The following ANK2 variants were observed in gnomAD, a reference collection of about 807,000 sequenced individuals.
The protein encoded by ANK2 is ankyrin 2.
In ANK2, 83 loss-of-function variants were observed where a neutral mutation model predicts 360.5. The ratio of observed to expected loss-of-function variants is 0.23; its 90% CI spans 0.19 to 0.28. The LOEUF is 0.28. ANK2 is among the 10% of genes least tolerant of loss of function. The probability of loss-of-function intolerance (pLI) is 1.00; values close to 1 mark genes in which losing one functional copy is unlikely to be tolerated. For missense variants in ANK2, 4,201 were observed against 4,795.7 expected, an observed-to-expected ratio of 0.88 and a Z score of 3.66; for synonymous variants, 1,740 against 1,759.5, an observed-to-expected ratio of 0.99 and a Z score of 0.28.
the ANK2 span, among the ~76,000 whole-genome samples, chr4:112,775,193 T>A: frequency 6.6e-6 from 1 of 152,124 alleles, no homozygotes; most frequent in African/African-American, 2.4e-5. Flanking sequence ...CCAGAGGGGC[T>A]GGTAAGAGAG....
chr4:112,826,321 GA>G (rs2058398390), intron 1 of ANK2: 1 of 813,126 alleles, frequency 1.2e-6, no homozygotes, highest in Admixed American at 2.6e-5. Flanking sequence ...TTCAGACTTC[GA>G]AAACCACTTG....
At chr4:113,209,716 A>T (rs1461990731) in intron 4 of ANK2, among the ~76,000 whole-genome samples, 1 of 152,040 alleles carries the variant, frequency 6.6e-6, no homozygotes, top group African/African-American at 2.4e-5. Context: ...ATTGTAAATC[A>T]AAACATGGAG....
At chr4:113,196,957 C>A (rs1211207641) in intron 3 of ANK2, among the ~76,000 whole-genome samples, 5 of 152,212 alleles carry the variant, frequency 3.3e-5, no homozygotes, top group African/African-American at 1.2e-4. Flanking sequence ...TATGGGACAT[C>A]AGTCTGAAAA....
At chr4:113,204,491 C>A (rs1476718805) in intron 4 of ANK2, among the ~76,000 whole-genome samples, 2 of 152,078 alleles carry the variant, frequency 1.3e-5, no homozygotes, top group Admixed American at 1.3e-4. Flanking sequence ...TAAACTACAG[C>A]CCAGTAATAA....
the ANK2 span, among the ~76,000 whole-genome samples, chr4:112,715,223 TA>T: frequency 6.8e-6 from 1 of 147,086 alleles, no homozygotes; most frequent in Non-Finnish European, 1.5e-5. Flanking sequence ...GTTCCAACAG[TA>T]AAAGTCCCAA....
chr4:112,789,296 A>G, the ANK2 span, among the ~76,000 whole-genome samples: 1 of 152,134 alleles, frequency 6.6e-6, no homozygotes, highest in Admixed American at 6.5e-5. Context: ...AGAAGACTGG[A>G]AATAAAGGTA....
At chr4:113,039,864 A>G (rs1404114335) in intron 2 of ANK2, among the ~76,000 whole-genome samples, 4 of 151,872 alleles carry the variant, frequency 2.6e-5, no homozygotes, top group Admixed American at 1.3e-4. Context: ...TTAAAATATG[A>G]TTTACATTTA....
At chr4:112,854,265 G>A (rs1277533644) in intron 1 of ANK2, among the ~76,000 whole-genome samples, 3 of 151,736 alleles carry the variant, frequency 2.0e-5, no homozygotes, top group Non-Finnish European at 4.4e-5. Flanking sequence ...AGGTTGTGTG[G>A]CTTGGAAATA....
chr4:113,066,539 G>A (rs76689799), intron 1 of ANK2, among the ~76,000 whole-genome samples: 54 of 152,258 alleles, frequency 3.5e-4, no homozygotes, highest in African/African-American at 1.0e-3. Flanking sequence ...CTGTGATATG[G>A]AAACATACAT....
chr4:112,730,332 A>T, the ANK2 span, among the ~76,000 whole-genome samples: 3 of 151,394 alleles, frequency 2.0e-5, no homozygotes, highest in Non-Finnish European at 4.4e-5. Context: ...TAATAACAAT[A>T]TATTGTACAT....
intron 2 of ANK2, among the ~76,000 whole-genome samples, chr4:112,964,783 A>G (rs565288616): frequency 6.6e-6 from 1 of 152,010 alleles, no homozygotes; most frequent in East Asian, 1.9e-4. Context: ...GTTAGCCAGG[A>G]TGGTCTCGAT....
chr4:113,271,416 G>A (rs917469628), intron 14 of ANK2, among the ~76,000 whole-genome samples: 8 of 152,018 alleles, frequency 5.3e-5, no homozygotes, highest in Non-Finnish European at 8.8e-5. Flanking sequence ...AGAAAAATGA[G>A]CACATATCTG....
the ANK2 span, chr4:112,788,025 A>C: frequency 1.1e-6 from 1 of 894,654 alleles, no homozygotes; most frequent in Non-Finnish European, 1.8e-6. Flanking sequence ...TATTTCTTTG[A>C]AGGAAAATTT....
At chr4:113,347,372 T>C (rs1296417701) in intron 35 of ANK2, among the ~76,000 whole-genome samples, 1 of 152,012 alleles carries the variant, frequency 6.6e-6, no homozygotes, top group African/African-American at 2.4e-5. Context: ...TATTTTGGGG[T>C]TTGTATTGCT....
At chr4:112,870,354 T>G (rs911049077) in intron 1 of ANK2, among the ~76,000 whole-genome samples, 17 of 152,220 alleles carry the variant, frequency 1.1e-4, no homozygotes, top group Admixed American at 9.2e-4. Flanking sequence ...GCACCTTTGG[T>G]GTCATATCTA....
intron 45 of ANK2, among the ~76,000 whole-genome samples, chr4:113,374,126 G>T (rs1379376203): frequency 6.6e-6 from 1 of 152,118 alleles, no homozygotes; most frequent in Non-Finnish European, 1.5e-5. Flanking sequence ...ATTTCACCAT[G>T]TTGGGCAGGC....
chr4:112,883,815 G>T (rs1477552030), intron 1 of ANK2, among the ~76,000 whole-genome samples: 1 of 149,778 alleles, frequency 6.7e-6, no homozygotes, highest in African/African-American at 2.4e-5. Context: ...TTAAATCAAA[G>T]TAAAATGTTT....
At chr4:113,118,487 A>C (rs2095056604) in intron 1 of ANK2, among the ~76,000 whole-genome samples, 1 of 152,168 alleles carries the variant, frequency 6.6e-6, no homozygotes. Flanking sequence ...ACACTTGAGA[A>C]CCAACATTGA....
the ANK2 span, among the ~76,000 whole-genome samples, chr4:112,810,041 T>A: frequency 1.3e-5 from 2 of 150,582 alleles, no homozygotes; most frequent in Non-Finnish European, 3.0e-5. Context: ...TTTATTTTTT[T>A]AAAGCATTTG....
Sources: allele counts gnomAD v4.1 joint callset (sites outside exome capture counted in the v4.1 genomes callset), GRCh38; gene constraint gnomAD v4.1.1; transcripts MANE v1.5; gene names NCBI Gene and HGNC (gene_info 2026-07-23, HGNC 2026-07-21).